UMAD1: variants seen among roughly 807,000 people sequenced by gnomAD.
UMAD1 encodes UBAP1-MVB12-associated (UMA)-domain containing protein 1.
In UMAD1, 8 loss-of-function variants were observed where a neutral mutation model predicts 6.1. That is an observed-to-expected ratio of 1.30 (90% CI 0.76 to 2.35). The LOEUF is 2.35. Among genes scored for constraint, UMAD1 ranks in the 30% most tolerant of loss-of-function variants. UMAD1 has a pLI of 0.00. For synonymous variants in UMAD1, 56 were observed against 31.4 expected (o/e 1.78, Z -2.61); for missense variants, 130 against 78.4 (o/e 1.66, Z -2.49).
At chr7:7,705,662 T>A (rs1780580032) in intron 2 of UMAD1, among the ~76,000 whole-genome samples, 1 of 152,198 alleles carries the variant, frequency 6.6e-6, no homozygotes, top group Non-Finnish European at 1.5e-5. Context: ...GAGAACTGAA[T>A]GTTTTTAGGA....
At chr7:7,865,031 C>T (rs1041435033) in intron 3 of UMAD1, among the ~76,000 whole-genome samples, 1 of 152,174 alleles carries the variant, frequency 6.6e-6, no homozygotes, top group African/African-American at 2.4e-5. Flanking sequence ...CAAACTCCTT[C>T]CCCTGATCTT....
chr7:7,828,561 C>T (rs530226988), intron 3 of UMAD1, among the ~76,000 whole-genome samples: 3 of 152,208 alleles, frequency 2.0e-5, no homozygotes, highest in African/African-American at 7.2e-5. Context: ...GGACCCCATC[C>T]CTGCTGACTT....
intron 3 of UMAD1, among the ~76,000 whole-genome samples, chr7:7,822,941 G>A (rs191299740): frequency 4.6e-5 from 7 of 151,942 alleles, no homozygotes; most frequent in Admixed American, 4.6e-4. Flanking sequence ...ATTTTTATGG[G>A]CTGTTTGCTT....
chr7:7,694,311 T>C (rs1458876339), intron 2 of UMAD1, among the ~76,000 whole-genome samples: 2 of 152,172 alleles, frequency 1.3e-5, no homozygotes, highest in Non-Finnish European at 2.9e-5. Flanking sequence ...CATACACATA[T>C]AATAATCACA....
chr7:7,663,318 G>A (rs952701972), intron 1 of UMAD1, among the ~76,000 whole-genome samples: 1 of 133,400 alleles, frequency 7.5e-6, no homozygotes, highest in African/African-American at 2.8e-5. Context: ...TTAAAAGTCT[G>A]AGCATAAATA....
At chr7:7,702,523 A>T (rs890632249) in intron 2 of UMAD1, among the ~76,000 whole-genome samples, 2 of 152,086 alleles carry the variant, frequency 1.3e-5, no homozygotes, top group Non-Finnish European at 2.9e-5. Flanking sequence ...TTTCTCTAAT[A>T]CTTGAAATAG....
intron 1 of UMAD1, among the ~76,000 whole-genome samples, chr7:7,669,248 G>T (rs1779545745): frequency 6.6e-6 from 1 of 152,140 alleles, no homozygotes; most frequent in Non-Finnish European, 1.5e-5. Context: ...GGAAACGATT[G>T]TATACGGTAT....
At chr7:7,760,212 C>A (rs549453963) in intron 2 of UMAD1, among the ~76,000 whole-genome samples, 1 of 152,002 alleles carries the variant, frequency 6.6e-6, no homozygotes, top group Admixed American at 6.6e-5. Context: ...GCCATTCTAC[C>A]AAATGTGAGT....
At position 7,847,087 on chromosome 7, in the gene UMAD1, CAAAAAAAAA is replaced by C. The variant is rs1190292068; in HGVS notation, c.157-30184_157-30176del. Among the ~76,000 whole-genome samples the C allele has an allele frequency of 7.7e-3, 48 of 6,270 alleles. 3 individuals are homozygous for C. Among genetic ancestry groups the C allele is most frequent in the African/African-American group, 0.026 (27 of 1,024 alleles). The allele number at this position is 6,270 out of a possible 152,430, so 4.1% of individuals were successfully genotyped here. On this transcript the variant is annotated intron_variant, in intron 3 of 3. Transcript: ENST00000682710. ...AAAAAAAAAAAAAAAGACAGCAATG[CAAAAAAAAA>C]AAAAAAAAATATATATATATATATA...
chr7:7,823,640 A>G (rs1783285485), intron 3 of UMAD1, among the ~76,000 whole-genome samples: 1 of 152,154 alleles, frequency 6.6e-6, no homozygotes, highest in South Asian at 2.1e-4. Flanking sequence ...TTCATTTTTT[A>G]AAAAAGAGAA....
chr7:7,785,782 A>G (rs1782450348), intron 2 of UMAD1, among the ~76,000 whole-genome samples: 1 of 152,168 alleles, frequency 6.6e-6, no homozygotes, highest in African/African-American at 2.4e-5. Context: ...AAGCAGGGCA[A>G]TTGGTGATGC....
chr7:7,869,299 G>C (rs756776635), intron 3 of UMAD1, among the ~76,000 whole-genome samples: 28 of 152,196 alleles, frequency 1.8e-4, no homozygotes, highest in Non-Finnish European at 3.5e-4. Context: ...GGGAGATAAA[G>C]TGACAGTGTT....
At chr7:7,690,057 G>A (rs1780137535) in intron 2 of UMAD1, among the ~76,000 whole-genome samples, 2 of 152,108 alleles carry the variant, frequency 1.3e-5, no homozygotes, top group South Asian at 2.1e-4. Flanking sequence ...TGGGAAATAA[G>A]CTTGCCATTA....
intron 1 of UMAD1, among the ~76,000 whole-genome samples, chr7:7,656,745 T>C (rs1233965073): frequency 6.6e-6 from 1 of 152,190 alleles, no homozygotes; most frequent in Non-Finnish European, 1.5e-5. Context: ...GTTCCAAGTC[T>C]GCTGTTGTGA....
intron 2 of UMAD1, among the ~76,000 whole-genome samples, chr7:7,780,142 A>G (rs1442608816): frequency 6.6e-6 from 1 of 152,214 alleles, no homozygotes; most frequent in Non-Finnish European, 1.5e-5. Context: ...TGCTTTCAGA[A>G]CTTAAACAGG....
At chr7:7,817,446 A>G (rs1783152996) in intron 3 of UMAD1, among the ~76,000 whole-genome samples, 2 of 152,254 alleles carry the variant, frequency 1.3e-5, no homozygotes, top group Non-Finnish European at 2.9e-5. Flanking sequence ...CTAACTTTGG[A>G]TAACCTCCTT....
At chr7:7,849,561 A>G (rs1783874727) in intron 3 of UMAD1, among the ~76,000 whole-genome samples, 2 of 152,120 alleles carry the variant, frequency 1.3e-5, no homozygotes, top group African/African-American at 4.8e-5. Flanking sequence ...CTATGACCCA[A>G]CCCTGCGATG....
At chr7:7,777,803 AG>A (rs1467569899) in intron 2 of UMAD1, among the ~76,000 whole-genome samples, 1 of 152,056 alleles carries the variant, frequency 6.6e-6, no homozygotes, top group Admixed American at 6.5e-5. Context: ...TTTATTTAAA[AG>A]CTCCTTTTCA....
chr7:7,763,301 C>T (rs1381870975), intron 2 of UMAD1, among the ~76,000 whole-genome samples: 3 of 152,030 alleles, frequency 2.0e-5, no homozygotes, highest in South Asian at 4.2e-4. Flanking sequence ...GGGGTGCATG[C>T]GCAAGTTTGT....
Sources: gnomAD v4.1 joint callset for allele counts (sites outside exome capture counted in the v4.1 genomes callset) on GRCh38, gnomAD v4.1.1 for gene constraint, MANE v1.5 for transcripts, NCBI Gene and HGNC (gene_info 2026-07-23, HGNC 2026-07-21) for gene names.